Variants in SPR observed in about 807,000 individuals in gnomAD.
The protein encoded by SPR is Sepiapterin reductase (L-erythro-7,8-dihydrobiopterin forming).
SPR carries 12 observed loss-of-function variants against 16.0 expected under a neutral mutation model. The observed-to-expected ratio is 0.75, with a 90% CI of 0.48 to 1.22. The LOEUF is 1.22. Among genes scored for constraint, SPR ranks in the 50% most tolerant of loss-of-function variants. SPR has a pLI of 0.00. For synonymous variants in SPR, 177 were observed against 168.5 expected (o/e 1.05, Z -0.39); for missense variants, 324 against 344.4 (o/e 0.94, Z 0.47).
Position 72,889,314 on chromosome 2 carries a change from C to A in SPR, c.595+710C>A, listed in dbSNP as rs146366317. ...GGTCTAGTTTCTGATGCCACAGCGC[C>A]CCTGTCTTAATAGTGAGGAGTCTCT... On this transcript the variant is annotated intron_variant, in intron 2 of 2. Coordinates refer to ENST00000234454, the MANE Select transcript of SPR (RefSeq NM_003124.5). Among the ~76,000 whole-genome samples the A allele has an allele frequency of 2.6e-4, 40 of 152,290 alleles. No individual in the cohort carries two copies. In the East Asian group the frequency reaches 7.1e-3, roughly 27 times the overall value.
At chr2:72,888,254 G>GA (rs1257731792) in intron 1 of SPR, 60 bp from the exon 2 acceptor site, 1 of 1,556,626 alleles carries the variant, frequency 6.4e-7, no homozygotes, top group South Asian at 1.1e-5. Flanking sequence ...GAACTTGGGA[G>GA]GGCTGGGGAA....
chr2:72,890,040 C>T (rs535446801), intron 2 of SPR, among the ~76,000 whole-genome samples: 6 of 152,164 alleles, frequency 3.9e-5, no homozygotes, highest in African/African-American at 1.2e-4. Context: ...AAGAATAGAA[C>T]GTGCTTGCAA....
rs1057079928 is a variant in SPR at position 72,887,660 on chromosome 2, G to A, written c.228G>A (p.Leu76=). The change falls in exon 1 of 3, where the codon TTG becomes TTA. Residue 76 remains leucine, a synonymous_variant. Transcript: ENST00000234454. ...VPADLGAEAG[L]QQLLGALREL... is the part of the protein sequence containing the mutation. ...CCGACCTGGGCGCCGAGGCCGGCTT[G>A]CAGCAGCTGCTCGGCGCCCTGCGCG... 4 of 1,484,060 alleles carry A rather than the reference G, an allele frequency of 2.7e-6. No homozygotes were observed. Among genetic ancestry groups the A allele is most frequent in the Non-Finnish European group, 8.9e-7 (1 of 1,124,180 alleles). The allele number at this position is 1,484,060 out of a possible 1,614,324, so 91.9% of individuals were successfully genotyped here. A position where few individuals can be genotyped will look rare whatever the true frequency, so the allele number is the denominator to read the frequency against.
chr2:72,888,480 C>T lies in SPR; in HGVS notation c.471C>T (p.Ser157=), dbSNP rs540661789. The T allele has an allele frequency of 1.2e-6, 2 of 1,613,912 alleles. No homozygotes were observed. The highest frequency in any genetic ancestry group is 1.1e-5 in the South Asian group (1 of 90,998). ...ACAGAACCGTGGTTAACATCTCGTCCCTCTGTGCCCTGCAACCTTTCAAAG... is the reference window on the plus strand; with the variant it reads ...ACAGAACCGTGGTTAACATCTCGTCTCTCTGTGCCCTGCAACCTTTCAAAG... ...GLNRTVVNIS[S]LCALQPFKGW... Residue 157 remains serine, a synonymous_variant, in exon 2 of 3, where the codon TCC becomes TCT. Coordinates refer to ENST00000234454, the MANE Select transcript of SPR (RefSeq NM_003124.5).
At position 72,891,666 on chromosome 2, in the gene SPR, C is replaced by T. The variant is rs1415702394; in HGVS notation, c.*129C>T. 8.9e-7 allele frequency: 1 copy of T among 1,120,404 alleles called. No homozygotes were observed. Among genetic ancestry groups the T allele is most frequent in the African/African-American group, 1.5e-5 (1 of 64,890 alleles). The allele number at this position is 1,120,404 out of a possible 1,614,324, so 69.4% of individuals were successfully genotyped here. A position where few individuals can be genotyped will look rare whatever the true frequency, so the allele number is the denominator to read the frequency against. On this transcript the variant is annotated 3_prime_UTR_variant, in exon 3 of 3. Coordinates refer to ENST00000234454, the MANE Select transcript of SPR (RefSeq NM_003124.5). Reference sequence around the variant, plus strand: ...CATAGAAGCATTCATGCCTGCTGCCCTGCCCTCAGGCACAGCCAGCTGTGA... The same window carrying T: ...CATAGAAGCATTCATGCCTGCTGCCTTGCCCTCAGGCACAGCCAGCTGTGA...
At position 72,891,625 on chromosome 2, in the gene SPR, G is replaced by A. The variant is rs1345821577; in HGVS notation, c.*88G>A. The A allele has an allele frequency of 2.7e-6, 4 of 1,472,812 alleles. No individual in the cohort carries two copies. The highest frequency in any genetic ancestry group is 1.2e-5 in the South Asian group (1 of 85,488). 91.2% of individuals were successfully genotyped at this position (1,472,812 alleles called of 1,614,324 possible). ...TGGCTCCCCACACCCTGCCATAGGG[G>A]CAGTCCTGCCTTACACATAGAAGCA... On this transcript the variant is annotated 3_prime_UTR_variant, in exon 3 of 3. Transcript: ENST00000234454.
rs1461691954 is a variant in SPR, at chr2:72,892,147, G to A, written c.*610G>A. 1 of 158,244 alleles carries A rather than the reference G, an allele frequency of 6.3e-6. No individual in the cohort carries two copies. The highest frequency in any genetic ancestry group is 2.4e-5 in the African/African-American group (1 of 41,524). The allele number at this position is 158,244 out of a possible 1,614,324, so 9.8% of individuals were successfully genotyped here. A position where few individuals can be genotyped will look rare whatever the true frequency, so the allele number is the denominator to read the frequency against. ...CAAAGGCAGATACAAATAAAATACAGATTGTCCTTTCTTCATGCTTGCTTT... is the reference window on the plus strand; with the variant it reads ...CAAAGGCAGATACAAATAAAATACAAATTGTCCTTTCTTCATGCTTGCTTT... On this transcript the variant is annotated 3_prime_UTR_variant, in exon 3 of 3. Coordinates refer to ENST00000234454, the MANE Select transcript of SPR (RefSeq NM_003124.5).
In SPR at chr2:72,887,446, T is replaced by A. The variant is rs377531182; in HGVS notation, c.14T>A (p.Leu5Gln). 2.0e-6 allele frequency: 3 copies of A among 1,501,718 alleles called. No homozygotes were observed. In the African/African-American group the frequency reaches 4.3e-5, roughly 22 times the overall value. 93.0% of individuals were successfully genotyped at this position (1,501,718 alleles called of 1,614,324 possible). Residue 5 changes from leucine to glutamine, a missense_variant, in exon 1 of 3, where the codon CTG (leucine) becomes CAG (glutamine). By Grantham distance (113) the Leu-to-Gln change is moderately radical (BLOSUM62 -2). Transcript: ENST00000234454. Reference protein sequence around the residue: MEGGLGRAVCLLTGA... With the variant: MEGGQGRAVCLLTGA... ...GAGAACAGGAGCATGGAGGGCGGGC[T>A]GGGGCGTGCTGTGTGCTTGCTGACC... is the stretch of plus-strand genomic sequence containing the variant.
At chr2:72,887,934 C>A (rs1381096057) in intron 1 of SPR, among the ~76,000 whole-genome samples, 198 bp downstream of exon 1, 1 of 152,246 alleles carries the variant, frequency 6.6e-6, no homozygotes, top group African/African-American at 2.4e-5. Flanking sequence ...GCCCCCACTT[C>A]CTGGAAAATT....
intron 2 of SPR, 43 bp from the exon 3 acceptor site, chr2:72,891,304 T>G: frequency 6.2e-7 from 1 of 1,611,320 alleles, no homozygotes; most frequent in Non-Finnish European, 8.5e-7. Context: ...CTTCTGTCCC[T>G]GCCTTGGCCA....
chr2:72,890,067 C>T (rs546415165), intron 2 of SPR, among the ~76,000 whole-genome samples: 1 of 152,314 alleles, frequency 6.6e-6, no homozygotes, highest in South Asian at 2.1e-4. Context: ...AAGAAGGGAA[C>T]AATTCCTTTA....
At position 72,888,730 on chromosome 2, in the gene SPR, C is replaced by T. The variant is rs910799659; in HGVS notation, c.595+126C>T. 7.4e-6 allele frequency: 8 copies of T among 1,080,410 alleles called. No individual in the cohort carries two copies. In the African/African-American group the frequency reaches 1.1e-4, roughly 15 times the overall value. The allele number at this position is 1,080,410 out of a possible 1,614,324, so 66.9% of individuals were successfully genotyped here. A position where few individuals can be genotyped will look rare whatever the true frequency, so the allele number is the denominator to read the frequency against. On this transcript the variant is annotated intron_variant, in intron 2 of 2. Coordinates refer to ENST00000234454, the MANE Select transcript of SPR (RefSeq NM_003124.5). ...CAGGATTTTGTCCTTGAATCTTGACCCATCACCCCTTAGGGGAAATACAGA... is the reference window on the plus strand; with the variant it reads ...CAGGATTTTGTCCTTGAATCTTGACTCATCACCCCTTAGGGGAAATACAGA...
intron 2 of SPR, 40 bp from the exon 3 acceptor site, chr2:72,891,307 C>T (rs1480966714): frequency 6.2e-7 from 1 of 1,612,212 alleles, no homozygotes; most frequent in Non-Finnish European, 8.5e-7. Flanking sequence ...CTGTCCCTGC[C>T]TTGGCCATGT....
At chr2:72,890,746 A>G (rs891998465) in intron 2 of SPR, among the ~76,000 whole-genome samples, 2 of 152,144 alleles carry the variant, frequency 1.3e-5, no homozygotes, top group African/African-American at 4.8e-5. Context: ...ACAGGGTTTC[A>G]CCATGTTGGC....
At position 72,888,448 on chromosome 2, in the gene SPR, G is replaced by A. The variant is rs984930135; in HGVS notation, c.439G>A (p.Gly147Ser). Reference protein sequence around the residue: ...SVLKAFPDSPGLNRTVVNISS... With the variant: ...SVLKAFPDSPSLNRTVVNISS... Reference sequence around the variant, plus strand: ...CCTGAAGGCCTTCCCGGACAGTCCTGGCCTCAACAGAACCGTGGTTAACAT... The same window carrying A: ...CCTGAAGGCCTTCCCGGACAGTCCTAGCCTCAACAGAACCGTGGTTAACAT... Residue 147 changes from glycine to serine, a missense_variant, in exon 2 of 3, where the codon GGC becomes AGC. Gly to Ser is a moderately conservative substitution (Grantham distance 56, BLOSUM62 0). Transcript: ENST00000234454. 3 of 1,613,942 alleles carry A rather than the reference G, an allele frequency of 1.9e-6. No homozygotes were observed. Among genetic ancestry groups the A allele is most frequent in the African/African-American group, 1.3e-5 (1 of 74,932 alleles).
chr2:72,888,378 C>G lies in SPR; in HGVS notation c.369C>G (p.Tyr123Ter), dbSNP rs146349901. 6.2e-7 allele frequency: 1 copy of G among 1,614,178 alleles called. No homozygotes were observed. Among genetic ancestry groups the G allele is most frequent in the Non-Finnish European group, 8.5e-7 (1 of 1,180,010 alleles). ...GTGACTCCACTCAAGTGAACAACTACTGGGCACTGAACTTGACCTCCATGC... is the reference window on the plus strand; with the variant it reads ...GTGACTCCACTCAAGTGAACAACTAGTGGGCACTGAACTTGACCTCCATGC... ...DLSDSTQVNN[Y>*]WALNLTSMLC... Residue 123 changes from tyrosine to a stop codon, truncating the protein, a stop_gained, in exon 2 of 3, where the codon TAC becomes TAG. Transcript: ENST00000234454. LOFTEE classifies it high-confidence loss of function.
At chr2:72,889,709 A>G (rs547283902) in intron 2 of SPR, among the ~76,000 whole-genome samples, 2 of 152,338 alleles carry the variant, frequency 1.3e-5, no homozygotes, top group African/African-American at 4.8e-5. Flanking sequence ...AGAAGTCCAC[A>G]TGGCTGCGTT....
In SPR at chr2:72,891,480, C is replaced by T. The variant is rs376387677; in HGVS notation, c.729C>T (p.Ser243=). ...AGGTGTCAGCCCAGAAACTGCTGAG[C>T]TTACTGGAAAAGGACGAGTTCAAGT... ...DCKVSAQKLL[S]LLEKDEFKSG... is the part of the protein sequence containing the mutation. Residue 243 remains serine, a synonymous_variant, in exon 3 of 3, where the codon AGC becomes AGT. Transcript: ENST00000234454. 2 of 1,614,242 alleles carry T rather than the reference C, an allele frequency of 1.2e-6. No individual in the cohort carries two copies. The highest frequency in any genetic ancestry group is 8.5e-7 in the Non-Finnish European group (1 of 1,180,046).
At chr2:72,888,276 C>T in intron 1 of SPR, 38 bp from the exon 2 acceptor site, 1 of 1,609,902 alleles carries the variant, frequency 6.2e-7, no homozygotes, top group Non-Finnish European at 8.5e-7. Context: ...AAGAAAGCCC[C>T]GCCTGCACTG....
Sources: gnomAD v4.1 joint callset for allele counts (sites outside exome capture counted in the v4.1 genomes callset) on GRCh38, gnomAD v4.1.1 for gene constraint, MANE v1.5 for transcripts, NCBI Gene and HGNC (gene_info 2026-07-23, HGNC 2026-07-21) for gene names.